Variants in KHDRBS1 observed in about 807,000 individuals in gnomAD.
KHDRBS1 encodes the protein KH RNA binding domain containing, signal transduction associated 1, also known as KH domain-containing, RNA-binding, signal transduction-associated protein 1.
KHDRBS1 carries 7 observed loss-of-function variants against 48.4 expected under a neutral mutation model. That is an observed-to-expected ratio of 0.14 (90% CI 0.08 to 0.27). The LOEUF (loss-of-function observed/expected upper bound fraction) is 0.27, where lower values mean the gene tolerates loss of function less well. Among genes scored for constraint, KHDRBS1 ranks in the 10% least tolerant of loss-of-function variants. The pLI is 1.00. For synonymous variants in KHDRBS1, 241 were observed against 235.8 expected (o/e 1.02, Z -0.20); for missense variants, 458 against 601.2 (o/e 0.76, Z 2.49).
Position 32,042,626 on chromosome 1 carries a change from A to G in KHDRBS1, c.*2A>G. 6.4e-7 allele frequency: 1 copy of G among 1,571,906 alleles called. No individual in the cohort carries two copies. Among genetic ancestry groups the G allele is most frequent in the South Asian group, 1.1e-5 (1 of 90,150 alleles). On this transcript the variant is annotated 3_prime_UTR_variant, in exon 9 of 9. Transcript: ENST00000327300. Reference sequence around the variant, plus strand: ...GAGCACCCATATGGACGTTATTAAAAACAAACATGAGGGGAAAATATCAGT... The same window carrying G: ...GAGCACCCATATGGACGTTATTAAAGACAAACATGAGGGGAAAATATCAGT...
At chr1:32,032,476 A>G (rs185121593) in intron 3 of KHDRBS1, among the ~76,000 whole-genome samples, 29 of 152,362 alleles carry the variant, frequency 1.9e-4, no homozygotes, top group Admixed American at 9.2e-4. Flanking sequence ...ATATAAGCAG[A>G]TAAGCAGAGC....
At chr1:32,021,873 AC>A (rs1405640000) in intron 1 of KHDRBS1, among the ~76,000 whole-genome samples, 2 of 151,464 alleles carry the variant, frequency 1.3e-5, no homozygotes, top group East Asian at 3.9e-4. Context: ...CTGGTCTTGA[AC>A]TTCTGACCTC....
Position 32,043,382 on chromosome 1 carries a change from G to A in KHDRBS1, c.*758G>A, listed in dbSNP as rs1034446818. 1 of 152,574 alleles carries A rather than the reference G, an allele frequency of 6.6e-6. No individual in the cohort carries two copies. Among genetic ancestry groups the A allele is most frequent in the Non-Finnish European group, 1.5e-5 (1 of 68,040 alleles). The allele number at this position is 152,574 out of a possible 1,614,324, so 9.5% of individuals were successfully genotyped here. ...CATACTGTGTTGAGAGATACTTAGA[G>A]GGAGGGAGTAGGTTTTGAAGAGGTT... On this transcript the variant is annotated 3_prime_UTR_variant, in exon 9 of 9. Transcript: ENST00000327300.
chr1:32,045,989 A>G (rs1186126359), downstream of KHDRBS1, among the ~76,000 whole-genome samples: 18 of 152,176 alleles, frequency 1.2e-4, no homozygotes, highest in Admixed American at 1.2e-3. Context: ...GGAAAGGGAA[A>G]TGGATGCTGG....
intron 1 of KHDRBS1, among the ~76,000 whole-genome samples, chr1:32,017,945 G>A (rs775111344): frequency 5.3e-4 from 80 of 152,150 alleles, no homozygotes; most frequent in Non-Finnish European, 8.8e-4. Flanking sequence ...ATACAAGTTA[G>A]TATAAGTGAC....
At chr1:32,045,453 T>G (rs918374846), downstream of KHDRBS1, 1 of 152,584 alleles carries the variant, frequency 6.6e-6, no homozygotes, top group Admixed American at 6.6e-5. Context: ...AAAACAGTTA[T>G]GCTAGGAGGT....
intron 8 of KHDRBS1, 126 bp from the exon 9 acceptor site, chr1:32,042,401 A>G: frequency 1.6e-6 from 1 of 644,492 alleles, no homozygotes. Flanking sequence ...AAGGAACACC[A>G]GGGGAAGTGT....
chr1:32,020,608 C>A, intron 1 of KHDRBS1, among the ~76,000 whole-genome samples: 1 of 141,586 alleles, frequency 7.1e-6, no homozygotes. Context: ...TGGAACAGTA[C>A]TGTGCAATAA....
chr1:32,027,864 G>A (rs1055966243), intron 1 of KHDRBS1, among the ~76,000 whole-genome samples: 1 of 152,166 alleles, frequency 6.6e-6, no homozygotes, highest in Non-Finnish European at 1.5e-5. Flanking sequence ...TGTAATCCCA[G>A]CACTTTGGGA....
At chr1:32,048,733 C>G (rs563568467), downstream of KHDRBS1, among the ~76,000 whole-genome samples, 6 of 152,228 alleles carry the variant, frequency 3.9e-5, no homozygotes, top group South Asian at 6.2e-4. Context: ...CCATACTGTT[C>G]TCTCACTTAA....
intron 10 of KHDRBS1, among the ~76,000 whole-genome samples, chr1:32,055,835 G>A (rs532063843): frequency 6.6e-6 from 1 of 152,064 alleles, no homozygotes; most frequent in Admixed American, 6.6e-5. Context: ...GAAGTAATGG[G>A]GAAGAATGTT....
chr1:32,025,194 A>G (rs549719017), intron 1 of KHDRBS1, among the ~76,000 whole-genome samples: 1 of 141,780 alleles, frequency 7.1e-6, no homozygotes, highest in African/African-American at 2.7e-5. Flanking sequence ...TGAACCCAGG[A>G]GGTTGAGGCT....
chr1:32,037,670 A>G (rs1240382849), intron 5 of KHDRBS1, among the ~76,000 whole-genome samples, 165 bp from the exon 6 acceptor site: 1 of 152,114 alleles, frequency 6.6e-6, no homozygotes, highest in Non-Finnish European at 1.5e-5. Flanking sequence ...GACCTGGGGG[A>G]TCTTGCAGTG....
At chr1:32,023,596 T>A (rs1022574101) in intron 1 of KHDRBS1, among the ~76,000 whole-genome samples, 1 of 152,192 alleles carries the variant, frequency 6.6e-6, no homozygotes, top group Non-Finnish European at 1.5e-5. Context: ...AAGCAAAGAT[T>A]ACTTAAAGGA....
At chr1:32,033,453 C>T (rs1225082970) in intron 4 of KHDRBS1, 119 bp downstream of exon 4, 1 of 1,326,048 alleles carries the variant, frequency 7.5e-7, no homozygotes, top group Non-Finnish European at 1.0e-6. Context: ...CCAAATTCTG[C>T]ACTTATGTTC....
chr1:32,016,980 G>A (rs747521563), intron 1 of KHDRBS1, among the ~76,000 whole-genome samples: 5 of 152,120 alleles, frequency 3.3e-5, no homozygotes, highest in African/African-American at 4.8e-5. Flanking sequence ...GATGACAGCC[G>A]TGCACGGTGG....
rs780092598 is a variant in KHDRBS1 at position 32,036,935 on chromosome 1, A to T, written c.797A>T (p.Glu266Val). ...VPDMMDDICQ[E>V]QFLELSYLNG... is the part of the protein sequence containing the mutation. ...GATATGATGGATGATATCTGTCAGG[A>T]GCAATTTCTAGAGCTGTCCTACTTG... Residue 266 changes from glutamate to valine, a missense_variant, in exon 5 of 9, where the codon GAG becomes GTG. Glu to Val is a moderately radical substitution (Grantham distance 121). Around this residue, in one of 3 missense-constraint regions of KHDRBS1, gnomAD observed 74 missense variants for 156.9 expected, o/e 0.47. Transcript: ENST00000327300. The T allele has an allele frequency of 1.2e-6, 2 of 1,613,880 alleles. No individual in the cohort carries two copies. Among genetic ancestry groups the T allele is most frequent in the Non-Finnish European group, 1.7e-6 (2 of 1,179,898 alleles).
At chr1:32,039,207 C>A (rs1230986823) in intron 7 of KHDRBS1, among the ~76,000 whole-genome samples, 1 of 152,050 alleles carries the variant, frequency 6.6e-6, no homozygotes, top group Non-Finnish European at 1.5e-5. Flanking sequence ...TAAAACAGTT[C>A]TTTTTTCCTT....
intron 3 of KHDRBS1, among the ~76,000 whole-genome samples, chr1:32,032,189 T>A (rs1260915358): frequency 6.6e-6 from 1 of 152,192 alleles, no homozygotes; most frequent in Non-Finnish European, 1.5e-5. Context: ...CATAGCCGCG[T>A]ACGCTGTGTA....
Sources: allele counts gnomAD v4.1 joint callset (sites outside exome capture counted in the v4.1 genomes callset), GRCh38; gene constraint gnomAD v4.1.1; regional missense constraint gnomAD v4.1.1; transcripts MANE v1.5; gene names NCBI Gene and HGNC (gene_info 2026-07-23, HGNC 2026-07-21).